Variants in PPFIA2 observed in about 807,000 individuals in gnomAD.
The protein encoded by PPFIA2 is PPFI scaffold protein A2.
Under a neutral mutation model 175.5 loss-of-function variants are expected in PPFIA2, and 46 were observed. That is an observed-to-expected ratio of 0.26 (90% CI 0.21 to 0.34). The LOEUF is 0.34. PPFIA2 is among the 10% of genes least tolerant of loss of function. PPFIA2 has a pLI of 1.00. For missense variants in PPFIA2, 1,179 were observed against 1,506.1 expected (o/e 0.78, Z 3.60); for synonymous variants, 568 against 511.4 (o/e 1.11, Z -1.49).
At chr12:81,265,291 CAAAAAAAA>C (rs571821814) in intron 30 of PPFIA2, among the ~76,000 whole-genome samples, 9 of 69,988 alleles carry the variant, frequency 1.3e-4, no homozygotes, top group South Asian at 1.4e-3. Context: ...GAAACTCTGT[CAAAAAAAA>C]AAAAAAAAAA....
intron 7 of PPFIA2, among the ~76,000 whole-genome samples, chr12:81,434,516 A>G (rs2048645465): frequency 6.6e-6 from 1 of 152,086 alleles, no homozygotes; most frequent in African/African-American, 2.4e-5. Flanking sequence ...GTAAACAGAT[A>G]TGGGGAACAT....
At chr12:81,381,104 C>A (rs1441621487) in intron 9 of PPFIA2, among the ~76,000 whole-genome samples, 3 of 151,918 alleles carry the variant, frequency 2.0e-5, no homozygotes, top group Non-Finnish European at 2.9e-5. Flanking sequence ...TTGCACCTGG[C>A]ACTTTACACT....
At chr12:81,448,263 T>C (rs942599882) in intron 5 of PPFIA2, among the ~76,000 whole-genome samples, 2 of 152,186 alleles carry the variant, frequency 1.3e-5, no homozygotes, top group Non-Finnish European at 2.9e-5. Context: ...ATTGTCTCTT[T>C]ACCCAGCTTA....
At chr12:81,446,415 C>T (rs532502439) in intron 5 of PPFIA2, among the ~76,000 whole-genome samples, 1 of 152,254 alleles carries the variant, frequency 6.6e-6, no homozygotes, top group Admixed American at 6.5e-5. Flanking sequence ...GCTTTACACT[C>T]TTAGCTTTTG....
chr12:81,630,617 G>A (rs909628271), intron 4 of PPFIA2, among the ~76,000 whole-genome samples: 1 of 151,938 alleles, frequency 6.6e-6, no homozygotes, highest in Non-Finnish European at 1.5e-5. Context: ...TTGTCCTGAT[G>A]ACTCTGATAA....
chr12:81,695,993 T>C (rs1418367129), intron 3 of PPFIA2, among the ~76,000 whole-genome samples: 1 of 152,196 alleles, frequency 6.6e-6, no homozygotes, highest in African/African-American at 2.4e-5. Flanking sequence ...AATATTAACA[T>C]ATTGTGATTT....
At position 81,356,375 on chromosome 12, in the gene PPFIA2, G is replaced by A. The variant is rs562799083; in HGVS notation, c.1773+1707C>T. 4.6e-5 allele frequency among the ~76,000 whole-genome samples: 7 copies of A among 151,976 alleles called. No individual in the cohort carries two copies. In the East Asian group the frequency reaches 7.8e-4, roughly 17 times the overall value. On this transcript the variant is annotated intron_variant, in intron 16 of 32. Coordinates refer to ENST00000549396, the MANE Select transcript of PPFIA2 (RefSeq NM_003625.5). The stretch of plus-strand genomic sequence containing the variant: ...TAATAATAAAAGTTTGAAATATTTC[G>A]AGAACTGGTAGGTGCAGTGGTTCAC...
chr12:81,507,353 A>C (rs1288265175), intron 4 of PPFIA2, among the ~76,000 whole-genome samples: 3 of 152,128 alleles, frequency 2.0e-5, no homozygotes, highest in Non-Finnish European at 4.4e-5. Flanking sequence ...ATAAAGCAGT[A>C]TTTTTTTCAA....
At chr12:81,591,074 T>C (rs1026853205) in intron 4 of PPFIA2, among the ~76,000 whole-genome samples, 1 of 152,142 alleles carries the variant, frequency 6.6e-6, no homozygotes, top group Non-Finnish European at 1.5e-5. Flanking sequence ...GATAATGATA[T>C]GGACAATAAA....
chr12:81,431,310 G>A (rs2048054192), intron 7 of PPFIA2: 1 of 152,120 alleles, frequency 6.6e-6, no homozygotes, highest in East Asian at 1.9e-4. Context: ...ATTACCCCTT[G>A]TACTTCCCTT....
chr12:81,349,503 A>G (rs1030694620), intron 17 of PPFIA2, among the ~76,000 whole-genome samples: 10 of 152,314 alleles, frequency 6.6e-5, no homozygotes, highest in African/African-American at 2.4e-4. Flanking sequence ...TAATCAAGTA[A>G]CATAGTACAT....
At chr12:81,305,684 C>T (rs1212923203) in intron 22 of PPFIA2, among the ~76,000 whole-genome samples, 1 of 152,154 alleles carries the variant, frequency 6.6e-6, no homozygotes, top group East Asian at 1.9e-4. Context: ...AGGCCGTTCA[C>T]CGTATGTACA....
At chr12:81,660,637 AG>A (rs1352536303) in intron 4 of PPFIA2, among the ~76,000 whole-genome samples, 1 of 152,248 alleles carries the variant, frequency 6.6e-6, no homozygotes, top group Non-Finnish European at 1.5e-5. Flanking sequence ...GATATTATCC[AG>A]GAGAACTTCC....
intron 4 of PPFIA2, among the ~76,000 whole-genome samples, chr12:81,651,634 A>C (rs2067035428): frequency 6.6e-6 from 1 of 152,126 alleles, no homozygotes; most frequent in South Asian, 2.1e-4. Flanking sequence ...TAAAGTCTTC[A>C]TTATAGTTAC....
intron 4 of PPFIA2, among the ~76,000 whole-genome samples, chr12:81,558,961 A>G (rs2069395822): frequency 6.6e-6 from 1 of 152,184 alleles, no homozygotes; most frequent in Non-Finnish European, 1.5e-5. Flanking sequence ...TTATTCTGAT[A>G]AGTTCTTGAA....
chr12:81,314,161 C>T lies in PPFIA2; in HGVS notation c.2642+11616G>A, dbSNP rs184127099. Among the ~76,000 whole-genome samples the T allele has an allele frequency of 4.9e-3, 747 of 151,834 alleles. 6 individuals carry two copies. The highest frequency in any genetic ancestry group is 0.017 in the African/African-American group (710 of 41,520). The stretch of plus-strand genomic sequence containing the variant: ...CTCATGACTTTCAAACAAATGTGTT[C>T]TGCAAAAGACAAAAATCTATAGTTA... On this transcript the variant is annotated intron_variant, in intron 22 of 32. Coordinates refer to ENST00000549396, the MANE Select transcript of PPFIA2 (RefSeq NM_003625.5).
In PPFIA2 at chr12:81,299,397, A is replaced by G. The variant is rs781102718; in HGVS notation, c.2643-15T>C. The G allele has an allele frequency of 5.7e-6, 9 of 1,567,180 alleles. No homozygotes were observed. Among genetic ancestry groups the G allele is most frequent in the Non-Finnish European group, 7.8e-6 (9 of 1,154,506 alleles). On this transcript the variant is annotated splice_polypyrimidine_tract_variant and intron_variant, in intron 22 of 32. Transcript: ENST00000549396. The stretch of plus-strand genomic sequence containing the variant: ...GAAGTTCATGCCTGAAGTATATAGC[A>G]AAGATTATTAGGCAGGTATATGGAA...
At chr12:81,296,354 A>G (rs528130305) in intron 23 of PPFIA2, among the ~76,000 whole-genome samples, 55 of 152,282 alleles carry the variant, frequency 3.6e-4, no homozygotes, top group Middle Eastern at 6.8e-3. Context: ...TGATTTTTCA[A>G]CTTTGCTGTG....
chr12:81,608,530 A>G (rs745516274), intron 4 of PPFIA2, among the ~76,000 whole-genome samples: 3 of 152,018 alleles, frequency 2.0e-5, no homozygotes, highest in Non-Finnish European at 4.4e-5. Context: ...GGGAAATTGT[A>G]TGTTTCCAAG....
Sources: allele counts gnomAD v4.1 joint callset (sites outside exome capture counted in the v4.1 genomes callset), GRCh38; gene constraint gnomAD v4.1.1; transcripts MANE v1.5; gene names NCBI Gene and HGNC (gene_info 2026-07-23, HGNC 2026-07-21).